Variants in FOXR1 observed in about 807,000 individuals in gnomAD.
The protein encoded by FOXR1 is forkhead box protein R1.
In FOXR1, 25 loss-of-function variants were observed where a neutral mutation model predicts 34.5. That is an observed-to-expected ratio of 0.72 (90% CI 0.53 to 1.01). The LOEUF is 1.01. Among genes scored for constraint, FOXR1 ranks in the 50% least tolerant of loss-of-function variants. FOXR1 has a pLI of 0.00. For synonymous variants in FOXR1, 153 were observed against 141.6 expected (o/e 1.08, Z -0.57); for missense variants, 373 against 376.2 (o/e 0.99, Z 0.07).
chr11:118,979,127 G>C lies in FOXR1; in HGVS notation c.307G>C (p.Val103Leu), dbSNP rs1313572144. 1 of 1,602,956 alleles carries C rather than the reference G, an allele frequency of 6.2e-7. No individual in the cohort carries two copies. Among genetic ancestry groups the C allele is most frequent in the East Asian group, 2.2e-5 (1 of 44,804 alleles). ...TGCCAGCTGCTCAGAGGCCGCAGGG[G>C]TGGAATCACTGTCCCAGTCCTCCAG... ...EDASCSEAAG[V>L]ESLSQSSSKR... The change falls in exon 3 of 6, where the codon GTG becomes CTG. Residue 103 changes from valine to leucine, a missense_variant. Transcript: ENST00000317011.
rs558818368 is a variant in FOXR1, at chr11:118,980,357, A to C, written c.612-133A>C. The C allele has an allele frequency of 1.7e-5, 17 of 1,029,268 alleles. No individual in the cohort carries two copies. The South Asian group carries it at 1.7e-4, about 10-fold the overall frequency. 63.8% of individuals were successfully genotyped at this position (1,029,268 alleles called of 1,614,324 possible). ...CCACGTGCTCAGTTAGCAAAGAGCA[A>C]CTCCAGGCCAACTTGCTACTATCCC... On this transcript the variant is annotated intron_variant, in intron 4 of 5. Coordinates refer to ENST00000317011, the MANE Select transcript of FOXR1 (RefSeq NM_181721.3).
At chr11:118,978,145 G>C (rs891852115) in intron 1 of FOXR1, among the ~76,000 whole-genome samples, 5 of 151,958 alleles carry the variant, frequency 3.3e-5, no homozygotes, top group African/African-American at 7.3e-5. Context: ...TTGAACCTGG[G>C]AGGCAGAGGT....
rs1264018381 is a variant in FOXR1, at chr11:118,981,193, C to G, written c.851-15C>G. ...TGTGAAGTATAAACTCCTGAACTCT[C>G]TCCTTTTCTTACAGATGTGATGCCC... On this transcript the variant is annotated splice_polypyrimidine_tract_variant and intron_variant, in intron 5 of 5. Transcript: ENST00000317011. 7 of 1,613,936 alleles carry G rather than the reference C, an allele frequency of 4.3e-6. No homozygotes were observed. The highest frequency in any genetic ancestry group is 1.7e-5 in the Admixed American group (1 of 59,990).
At chr11:118,979,345 C>A (rs886998171) in intron 3 of FOXR1, 97 bp from the exon 4 acceptor site, 13 of 1,489,074 alleles carry the variant, frequency 8.7e-6, no homozygotes, top group Non-Finnish European at 9.9e-6. Flanking sequence ...TGGGGAGAAG[C>A]CCAAATGGTG....
intron 1 of FOXR1, among the ~76,000 whole-genome samples, chr11:118,976,128 T>C (rs1799996737): frequency 6.6e-6 from 1 of 152,226 alleles, no homozygotes; most frequent in South Asian, 2.1e-4. Context: ...GTTTAGGTTA[T>C]GCCTGAGGGA....
intron 1 of FOXR1, 145 bp downstream of exon 1, chr11:118,972,137 C>CCA (rs1289132875): frequency 5.6e-6 from 3 of 533,222 alleles, no homozygotes; most frequent in Non-Finnish European, 8.8e-6. Context: ...GCGCCCCCCC[C>CCA]CCCCGACGGC....
intron 1 of FOXR1, 112 bp downstream of exon 1, chr11:118,972,104 A>C: frequency 1.2e-6 from 1 of 835,618 alleles, no homozygotes; most frequent in Non-Finnish European, 1.7e-6. Flanking sequence ...CCTCCCGGGG[A>C]GGCTTGGGGG....
intron 3 of FOXR1, 53 bp downstream of exon 3, chr11:118,979,257 G>A (rs1352584502): frequency 6.6e-7 from 1 of 1,504,606 alleles, no homozygotes; most frequent in African/African-American, 1.4e-5. Context: ...GAGGGGCATG[G>A]GGAAGAGCCA....
At chr11:118,981,072 C>A in intron 5 of FOXR1, 136 bp from the exon 6 acceptor site, 1 of 842,318 alleles carries the variant, frequency 1.2e-6, no homozygotes. Context: ...TGGAGCAGTG[C>A]AGGGAGGCTT....
intron 1 of FOXR1, among the ~76,000 whole-genome samples, chr11:118,977,387 G>A (rs1429481706): frequency 6.6e-6 from 1 of 152,012 alleles, no homozygotes; most frequent in Non-Finnish European, 1.5e-5. Context: ...TCATTTTGAG[G>A]GTAACTGGCA....
intron 1 of FOXR1, among the ~76,000 whole-genome samples, chr11:118,974,020 T>A (rs1322831987): frequency 6.6e-6 from 1 of 152,012 alleles, no homozygotes; most frequent in Admixed American, 6.6e-5. Context: ...TTAAATAAGA[T>A]TGTGGGGTTG....
chr11:118,971,814 C>A lies in FOXR1; in HGVS notation c.-118C>A. Reference sequence around the variant, plus strand: ...CTCCTCAGCCGCCGCGCTCCCACTCCGCGTCCCCACTCCGCGCCGCCGCGC... The same window carrying A: ...CTCCTCAGCCGCCGCGCTCCCACTCAGCGTCCCCACTCCGCGCCGCCGCGC... On this transcript the variant is annotated 5_prime_UTR_variant, in exon 1 of 6. Coordinates refer to ENST00000317011, the MANE Select transcript of FOXR1 (RefSeq NM_181721.3). 1.8e-6 allele frequency: 2 copies of A among 1,123,574 alleles called. No homozygotes were observed. Among genetic ancestry groups the A allele is most frequent in the Non-Finnish European group, 2.6e-6 (2 of 767,940 alleles). The allele number at this position is 1,123,574 out of a possible 1,614,324, so 69.6% of individuals were successfully genotyped here. A position where few individuals can be genotyped will look rare whatever the true frequency, so the allele number is the denominator to read the frequency against.
Position 118,979,206 on chromosome 11 carries a change from T to C in FOXR1, c.384+2T>C, listed in dbSNP as rs1465177005. The C allele has an allele frequency of 4.6e-6, 7 of 1,517,258 alleles. No homozygotes were observed. Among genetic ancestry groups the C allele is most frequent in the Non-Finnish European group, 6.2e-6 (7 of 1,136,060 alleles). The allele number at this position is 1,517,258 out of a possible 1,614,324, so 94.0% of individuals were successfully genotyped here. On this transcript the variant is annotated splice_donor_variant, in intron 3 of 5. Coordinates refer to ENST00000317011, the MANE Select transcript of FOXR1 (RefSeq NM_181721.3). LOFTEE classifies it high-confidence loss of function. The stretch of plus-strand genomic sequence containing the variant: ...GCCTTTTCCCCCAGCACCTGGGAGG[T>C]ATGCATTTTTGGGGATGGGAGTGGG...
intron 5 of FOXR1, 147 bp downstream of exon 5, chr11:118,980,875 C>A: frequency 1.2e-6 from 1 of 843,076 alleles, no homozygotes; most frequent in Non-Finnish European, 1.8e-6. Flanking sequence ...ATCTGAGACC[C>A]TCAGGTGATG....
At position 118,979,665 on chromosome 11, in the gene FOXR1, C is replaced by T; in HGVS notation, c.608C>T (p.Thr203Ile). The change falls in exon 4 of 6, where the codon ACT (threonine) becomes ATT (isoleucine). Residue 203 changes from threonine (T) to isoleucine (I), a missense_variant. Transcript: ENST00000317011. ...AACGTGCAACAGATCTACAGTTTCA[C>T]TCGGTATGTGCCGGGGGCCCTGCGA... The part of the protein sequence containing the change: ...GLNVQQIYSF[T>I]RKHFPFFRTA... The T allele has an allele frequency of 6.3e-7, 1 of 1,596,348 alleles. No individual in the cohort carries two copies. Among genetic ancestry groups the T allele is most frequent in the South Asian group, 1.1e-5 (1 of 87,986 alleles).
chr11:118,980,203 G>T, intron 4 of FOXR1: 3 of 617,694 alleles, frequency 4.9e-6, no homozygotes, highest in South Asian at 3.0e-5. Flanking sequence ...AGTGGTGTCC[G>T]TCCTCAACCA....
In FOXR1 at chr11:118,971,852, C is replaced by G. The variant is rs1475459260; in HGVS notation, c.-80C>G. On this transcript the variant is annotated 5_prime_UTR_variant, in exon 1 of 6. Coordinates refer to ENST00000317011, the MANE Select transcript of FOXR1 (RefSeq NM_181721.3). Reference sequence around the variant, plus strand: ...CGCGCCGCCGCGCCTCTGCCAGCCCCGAAGGTGGACGTGAAGCTCCAACAC... The same window carrying G: ...CGCGCCGCCGCGCCTCTGCCAGCCCGGAAGGTGGACGTGAAGCTCCAACAC... 1.3e-6 allele frequency: 2 copies of G among 1,486,504 alleles called. No individual in the cohort carries two copies. Among genetic ancestry groups the G allele is most frequent in the Non-Finnish European group, 1.8e-6 (2 of 1,091,050 alleles). The allele number at this position is 1,486,504 out of a possible 1,614,324, so 92.1% of individuals were successfully genotyped here. A position where few individuals can be genotyped will look rare whatever the true frequency, so the allele number is the denominator to read the frequency against.
rs782754029 is a variant in FOXR1 at position 118,979,026 on chromosome 11, A to C, written c.206A>C (p.Glu69Ala). ...PNIVYPPGKL[E>A]VSGRRKREDL... is the part of the protein sequence containing the mutation. ...ATTGTGTATCCCCCTGGAAAGCTGG[A>C]GGTCTCAGGACGTAGGAAGAGGGAG... The change falls in exon 3 of 6, where the codon GAG (glutamate) becomes GCG (alanine). Residue 69 changes from glutamate to alanine, a missense_variant. By Grantham distance (107) the Glu-to-Ala change is moderately radical. Transcript: ENST00000317011. The C allele has an allele frequency of 1.2e-6, 2 of 1,601,622 alleles. No homozygotes were observed. Among genetic ancestry groups the C allele is most frequent in the South Asian group, 2.2e-5 (2 of 89,592 alleles).
chr11:118,980,223 T>C (rs1030943464), intron 4 of FOXR1: 3 of 647,534 alleles, frequency 4.6e-6, no homozygotes, highest in Non-Finnish European at 8.6e-6. Flanking sequence ...AAGATTCCTC[T>C]TACAGGAGCT....
Sources: allele counts gnomAD v4.1 joint callset (sites outside exome capture counted in the v4.1 genomes callset), GRCh38; gene constraint gnomAD v4.1.1; transcripts MANE v1.5; gene names NCBI Gene and HGNC (gene_info 2026-07-23, HGNC 2026-07-21).